Variants in ZNF804B observed in about 807,000 individuals in gnomAD.
ZNF804B encodes the protein zinc finger 804B.
In ZNF804B, 80 loss-of-function variants were observed where a neutral mutation model predicts 101.4. That is an observed-to-expected ratio of 0.79 (90% CI 0.66 to 0.95). The LOEUF is 0.95. Among genes scored for constraint, ZNF804B ranks in the 40% least tolerant of loss-of-function variants. ZNF804B has a pLI of 0.00. For synonymous variants in ZNF804B, 622 were observed against 558.8 expected (o/e 1.11, Z -1.59); for missense variants, 1,673 against 1,561.9 (o/e 1.07, Z -1.20).
chr7:89,244,723 T>A (rs896111310), intron 2 of ZNF804B, among the ~76,000 whole-genome samples: 2 of 152,062 alleles, frequency 1.3e-5, no homozygotes, highest in African/African-American at 4.8e-5. Context: ...GACATAAGGT[T>A]TACATCCTCA....
intron 1 of ZNF804B, among the ~76,000 whole-genome samples, chr7:89,196,068 G>T (rs1788546654): frequency 6.6e-6 from 1 of 151,986 alleles, no homozygotes. Flanking sequence ...GAATTCATAT[G>T]GAACCAAAAA....
At chr7:89,137,344 A>G (rs1347884522) in intron 1 of ZNF804B, among the ~76,000 whole-genome samples, 1 of 152,096 alleles carries the variant, frequency 6.6e-6, no homozygotes, top group Non-Finnish European at 1.5e-5. Flanking sequence ...GAAATTTGGA[A>G]CTTCCTAGAG....
At chr7:89,002,671 GC>G (rs1788306880) in intron 1 of ZNF804B, among the ~76,000 whole-genome samples, 2 of 151,908 alleles carry the variant, frequency 1.3e-5, no homozygotes, top group Admixed American at 1.3e-4. Context: ...AGATTTAAAA[GC>G]CCTTATATGG....
intron 1 of ZNF804B, among the ~76,000 whole-genome samples, chr7:88,959,978 A>G (rs1793367088): frequency 6.6e-6 from 1 of 151,358 alleles, no homozygotes; most frequent in African/African-American, 2.4e-5. Context: ...GTACACAAAA[A>G]TTAGCTTGCA....
intron 1 of ZNF804B, among the ~76,000 whole-genome samples, chr7:88,776,812 T>C (rs943728840): frequency 7.8e-5 from 9 of 114,910 alleles, no homozygotes; most frequent in African/African-American, 3.0e-4. Flanking sequence ...CTTCGTTATT[T>C]AAAATAAGGA....
intron 1 of ZNF804B, among the ~76,000 whole-genome samples, chr7:88,959,389 A>G (rs1793358960): frequency 6.6e-6 from 1 of 151,432 alleles, no homozygotes; most frequent in South Asian, 2.1e-4. Context: ...ACTAGCTCCA[A>G]GACATTAAAA....
intron 1 of ZNF804B, among the ~76,000 whole-genome samples, chr7:89,057,904 AG>A (rs1200480399): frequency 6.6e-6 from 1 of 152,154 alleles, no homozygotes; most frequent in Non-Finnish European, 1.5e-5. Context: ...TGGACAAAGA[AG>A]TACATCATTA....
At chr7:88,976,689 A>G (rs1000496754) in intron 1 of ZNF804B, among the ~76,000 whole-genome samples, 1 of 151,644 alleles carries the variant, frequency 6.6e-6, no homozygotes, top group Non-Finnish European at 1.5e-5. Flanking sequence ...GGCATACATA[A>G]TTTGAATTCT....
chr7:89,037,475 T>A (rs938104165), intron 1 of ZNF804B, among the ~76,000 whole-genome samples: 1 of 151,890 alleles, frequency 6.6e-6, no homozygotes, highest in African/African-American at 2.4e-5. Context: ...GTATTAGTTA[T>A]ATATGTATAT....
chr7:88,854,623 C>T (rs564964959), intron 1 of ZNF804B, among the ~76,000 whole-genome samples: 1 of 132,854 alleles, frequency 7.5e-6, no homozygotes, highest in Admixed American at 8.3e-5. Flanking sequence ...TTTTTTTATG[C>T]TTTCAGTTTT....
chr7:88,977,786 G>T (rs1430362985), intron 1 of ZNF804B, among the ~76,000 whole-genome samples: 1 of 150,598 alleles, frequency 6.6e-6, no homozygotes, highest in Non-Finnish European at 1.5e-5. Context: ...GATTTGGTTT[G>T]CTCCTGGTCT....
intron 1 of ZNF804B, among the ~76,000 whole-genome samples, chr7:89,046,490 G>A (rs1562869724): frequency 6.6e-6 from 1 of 152,080 alleles, no homozygotes; most frequent in Non-Finnish European, 1.5e-5. Flanking sequence ...CTGAACAAAA[G>A]GGTTTTGATG....
chr7:88,951,561 G>A (rs187437300), intron 1 of ZNF804B, among the ~76,000 whole-genome samples: 59 of 151,946 alleles, frequency 3.9e-4, no homozygotes, highest in Admixed American at 9.2e-4. Flanking sequence ...TCCAAAAAAC[G>A]TTGAAAGTTT....
intron 1 of ZNF804B, among the ~76,000 whole-genome samples, chr7:89,144,114 T>C (rs1790755125): frequency 1.3e-5 from 2 of 152,022 alleles, no homozygotes; most frequent in South Asian, 4.1e-4. Flanking sequence ...TCCACAATTC[T>C]CCAAAAGCAG....
chr7:89,030,141 A>G (rs576001721), intron 1 of ZNF804B, among the ~76,000 whole-genome samples: 10 of 152,242 alleles, frequency 6.6e-5, no homozygotes, highest in African/African-American at 2.2e-4. Context: ...AAAAAAGCAC[A>G]GGAGCTGAAG....
At chr7:89,279,260 G>A (rs1315144724) in intron 2 of ZNF804B, among the ~76,000 whole-genome samples, 9,198 of 151,372 alleles carry the variant, frequency 0.061, 418 homozygotes, top group African/African-American at 0.14. Flanking sequence ...GGCTGAGACA[G>A]TGGGGTTTTC....
chr7:89,078,441 T>C (rs919646274), intron 1 of ZNF804B, among the ~76,000 whole-genome samples: 5 of 146,530 alleles, frequency 3.4e-5, no homozygotes, highest in African/African-American at 9.7e-5. Flanking sequence ...GAAATTAATA[T>C]ATTGCTGAGA....
intron 1 of ZNF804B, among the ~76,000 whole-genome samples, chr7:89,032,313 T>G (rs1385595414): frequency 1.4e-5 from 2 of 147,182 alleles, no homozygotes; most frequent in Admixed American, 6.9e-5. Flanking sequence ...GGGGACAGGA[T>G]GTGGGGTGGG....
intron 2 of ZNF804B, among the ~76,000 whole-genome samples, chr7:89,285,104 A>T (rs1327587810): frequency 6.6e-6 from 1 of 152,086 alleles, no homozygotes; most frequent in Non-Finnish European, 1.5e-5. Context: ...CTATAGTCCC[A>T]ACTATTTGGA....
Sources: allele counts gnomAD v4.1 joint callset (sites outside exome capture counted in the v4.1 genomes callset), GRCh38; gene constraint gnomAD v4.1.1; transcripts MANE v1.5; gene names NCBI Gene and HGNC (gene_info 2026-07-23, HGNC 2026-07-21).